Variants in CDC14B observed in about 807,000 individuals in gnomAD.
CDC14B encodes dual specificity protein phosphatase CDC14B.
CDC14B carries 22 observed loss-of-function variants against 64.2 expected under a neutral mutation model. The ratio of observed to expected loss-of-function variants is 0.34; its 90% confidence interval spans 0.24 to 0.49. The LOEUF (loss-of-function observed/expected upper bound fraction) is 0.49, where lower values mean the gene tolerates loss of function less well. Among genes scored for constraint, CDC14B ranks in the 20% least tolerant of loss-of-function variants. The probability of loss-of-function intolerance (pLI) is 0.99; values close to 1 mark genes in which losing one functional copy is unlikely to be tolerated. For synonymous variants in CDC14B, 191 were observed against 215.8 expected, an observed-to-expected ratio of 0.89 and a Z score of 1.01; for missense variants, 498 against 629.9, an observed-to-expected ratio of 0.79 and a Z score of 2.24.
chr9:96,529,116 T>C (rs1437072370), intron 9 of CDC14B, among the ~76,000 whole-genome samples: 1 of 152,224 alleles, frequency 6.6e-6, no homozygotes, highest in Admixed American at 6.5e-5. Context: ...GATTTGTCTG[T>C]TCTTTCATTG....
chr9:96,617,988 A>T (rs1393708752), intron 1 of CDC14B, among the ~76,000 whole-genome samples: 1 of 151,374 alleles, frequency 6.6e-6, no homozygotes. Context: ...CCTCCCGCAC[A>T]CCCCCCGCAG....
chr9:96,604,804 G>T (rs1349150936), intron 1 of CDC14B, among the ~76,000 whole-genome samples: 2 of 152,118 alleles, frequency 1.3e-5, no homozygotes, highest in Non-Finnish European at 2.9e-5. Context: ...AAGTAGCTGG[G>T]ATTATAGGCA....
At position 96,564,780 on chromosome 9, in the gene CDC14B, T is replaced by G. The variant is rs774627396; in HGVS notation, c.324A>C (p.Leu108Phe). ...AGTCAAATCTTAAAGACTTTACCTT[T>G]AATTTCTTATTGATCTTGCAACAAT... ...YRYCCKINKK[L>F]KSITMLRKKI... The change falls in exon 3 of 14, where the codon TTA (leucine) becomes TTC (phenylalanine). Residue 108 changes from leucine to phenylalanine, a missense_variant. Coordinates refer to ENST00000375241, the MANE Select transcript of CDC14B (RefSeq NM_033331.4). 16 of 1,585,472 alleles carry G rather than the reference T, an allele frequency of 1.0e-5. No homozygotes were observed. Among genetic ancestry groups the G allele is most frequent in the Non-Finnish European group, 1.3e-5 (15 of 1,161,194 alleles).
chr9:96,549,602 T>C (rs1302733506), intron 5 of CDC14B, among the ~76,000 whole-genome samples: 1 of 151,930 alleles, frequency 6.6e-6, no homozygotes, highest in East Asian at 1.9e-4. Flanking sequence ...GAGGCAGAGG[T>C]TGCAGTGAGT....
At chr9:96,588,283 A>C (rs1436805559) in intron 1 of CDC14B, among the ~76,000 whole-genome samples, 1 of 152,028 alleles carries the variant, frequency 6.6e-6, no homozygotes, top group Admixed American at 6.6e-5. Context: ...ACAACAACAC[A>C]TTTCCACAGC....
chr9:96,532,421 G>A (rs999153267), intron 9 of CDC14B, among the ~76,000 whole-genome samples: 1 of 152,132 alleles, frequency 6.6e-6, no homozygotes, highest in Admixed American at 6.5e-5. Flanking sequence ...ACTGTCTGTG[G>A]CATTATAGCT....
At chr9:96,563,586 G>A (rs1319075945) in intron 3 of CDC14B, among the ~76,000 whole-genome samples, 8 of 150,140 alleles carry the variant, frequency 5.3e-5, no homozygotes, top group Non-Finnish European at 1.0e-4. Flanking sequence ...GGGGGTGGAG[G>A]TTATAGTGAG....
At chr9:96,495,866 CG>C, downstream of CDC14B, among the ~76,000 whole-genome samples, 1 of 152,260 alleles carries the variant, frequency 6.6e-6, no homozygotes, top group Admixed American at 6.5e-5. Flanking sequence ...TGCATATCTC[CG>C]GGGGTGCCTT....
intron 1 of CDC14B, among the ~76,000 whole-genome samples, chr9:96,573,812 C>G (rs1203461730): frequency 6.6e-6 from 1 of 151,872 alleles, no homozygotes; most frequent in Non-Finnish European, 1.5e-5. Context: ...GTAAATTAAT[C>G]CAGAAGATCA....
At chr9:96,533,244 T>C (rs1040596648) in intron 9 of CDC14B, among the ~76,000 whole-genome samples, 2 of 152,214 alleles carry the variant, frequency 1.3e-5, no homozygotes, top group East Asian at 1.9e-4. Context: ...GCTGGGATTA[T>C]AGGCGTGAGC....
chr9:96,525,303 T>C (rs779594457), intron 9 of CDC14B, among the ~76,000 whole-genome samples: 16 of 151,770 alleles, frequency 1.1e-4, no homozygotes, highest in Non-Finnish European at 2.2e-4. Flanking sequence ...GGGATGGACA[T>C]GGAATAAAAT....
chr9:96,498,088 C>T (rs966836689), downstream of CDC14B, among the ~76,000 whole-genome samples: 2 of 152,170 alleles, frequency 1.3e-5, no homozygotes, highest in Non-Finnish European at 1.5e-5. Flanking sequence ...AGACGTCAAC[C>T]GGGAGAGTGT....
At chr9:96,617,992 C>G (rs891601345) in intron 1 of CDC14B, among the ~76,000 whole-genome samples, 2 of 152,204 alleles carry the variant, frequency 1.3e-5, no homozygotes, top group East Asian at 3.8e-4. Flanking sequence ...CCGCACACCC[C>G]CCGCAGCTAC....
At chr9:96,509,929 A>G in intron 12 of CDC14B, 140 bp from the exon 13 acceptor site, 1 of 585,386 alleles carries the variant, frequency 1.7e-6, no homozygotes, top group Non-Finnish European at 3.0e-6. Flanking sequence ...TACCAAAAAA[A>G]TCTGAAACAC....
intron 1 of CDC14B, among the ~76,000 whole-genome samples, chr9:96,603,037 A>G (rs1370792260): frequency 6.6e-6 from 1 of 152,090 alleles, no homozygotes; most frequent in Non-Finnish European, 1.5e-5. Flanking sequence ...CCATCCGTTA[A>G]GATCTTCCAT....
intron 1 of CDC14B, among the ~76,000 whole-genome samples, chr9:96,604,410 C>A (rs1351714469): frequency 6.8e-6 from 1 of 147,678 alleles, no homozygotes; most frequent in South Asian, 2.1e-4. Context: ...GACAGAGTTT[C>A]CCTCTTGTTG....
chr9:96,512,143 G>C (rs1435225310), intron 12 of CDC14B, among the ~76,000 whole-genome samples: 1 of 151,448 alleles, frequency 6.6e-6, no homozygotes, highest in Admixed American at 6.6e-5. Flanking sequence ...ACTTGAGCCT[G>C]GGAGGTCAAG....
At chr9:96,542,810 A>T (rs754410564) in intron 5 of CDC14B, among the ~76,000 whole-genome samples, 8 of 151,868 alleles carry the variant, frequency 5.3e-5, no homozygotes, top group Non-Finnish European at 1.2e-4. Flanking sequence ...GGAGTTCAAG[A>T]CCAGCCTGGC....
chr9:96,617,682 A>G (rs531467520), intron 1 of CDC14B, among the ~76,000 whole-genome samples: 2 of 152,196 alleles, frequency 1.3e-5, no homozygotes, highest in Non-Finnish European at 1.5e-5. Flanking sequence ...AAGGCTTCAC[A>G]AGAAACTGGG....
Sources: allele counts gnomAD v4.1 joint callset (sites outside exome capture counted in the v4.1 genomes callset), GRCh38; gene constraint gnomAD v4.1.1; transcripts MANE v1.5; gene names NCBI Gene and HGNC (gene_info 2026-07-23, HGNC 2026-07-21).